Variants in LIPI observed in about 807,000 individuals in gnomAD.
LIPI encodes the protein lipase I.
Under a neutral mutation model 50.6 loss-of-function variants are expected in LIPI, and 59 were observed. The observed-to-expected ratio is 1.16, with a 90% CI of 0.94 to 1.45. LIPI has a LOEUF of 1.45. Ranked by LOEUF, LIPI falls within the 40% of genes most tolerant of loss-of-function variation. LIPI has a pLI of 0.00. For synonymous variants in LIPI, 203 were observed against 178.2 expected (o/e 1.14, Z -1.11); for missense variants, 586 against 536.3 (o/e 1.09, Z -0.92).
intron 9 of LIPI, among the ~76,000 whole-genome samples, chr21:14,124,826 G>A (rs10854284): frequency 0.64 from 97,154 of 151,894 alleles, 31,552 homozygotes; most frequent in East Asian, 0.94. Context: ...CCCCATCTCT[G>A]CTAAAAATAC....
chr21:14,182,821 G>C (rs955358141), intron 3 of LIPI, among the ~76,000 whole-genome samples: 10 of 151,986 alleles, frequency 6.6e-5, no homozygotes, highest in African/African-American at 2.2e-4. Context: ...ACAAACCACT[G>C]CTCAATGAAA....
At chr21:14,176,681 T>TA (rs944615198) in intron 4 of LIPI, among the ~76,000 whole-genome samples, 3 of 30,732 alleles carry the variant, frequency 9.8e-5, no homozygotes, top group East Asian at 9.5e-4. Context: ...GAGAATATTG[T>TA]TTTTTTTTCA....
intron 4 of LIPI, among the ~76,000 whole-genome samples, chr21:14,168,552 C>T (rs2018776417): frequency 6.6e-6 from 1 of 152,250 alleles, no homozygotes; most frequent in Non-Finnish European, 1.5e-5. Flanking sequence ...AGAGTGGGGG[C>T]CGATATTCAA....
At chr21:14,191,495 T>A (rs1420213827) in intron 1 of LIPI, among the ~76,000 whole-genome samples, 5 of 150,542 alleles carry the variant, frequency 3.3e-5, no homozygotes, top group African/African-American at 4.9e-5. Flanking sequence ...ACCCTGCCTA[T>A]TAAAAAGCAA....
intron 4 of LIPI, among the ~76,000 whole-genome samples, chr21:14,180,886 C>G (rs1409984854): frequency 6.6e-6 from 1 of 152,162 alleles, no homozygotes; most frequent in Non-Finnish European, 1.5e-5. Flanking sequence ...GAGGAGCAAT[C>G]TTAGTGTCAC....
intron 6 of LIPI, among the ~76,000 whole-genome samples, chr21:14,163,882 A>T (rs1449757218): frequency 1.3e-5 from 2 of 151,740 alleles, no homozygotes; most frequent in Non-Finnish European, 2.9e-5. Flanking sequence ...CATAAAACTT[A>T]AACATACAAT....
At chr21:14,183,423 T>C (rs950849112) in intron 3 of LIPI, among the ~76,000 whole-genome samples, 30 of 152,268 alleles carry the variant, frequency 2.0e-4, no homozygotes, top group East Asian at 3.9e-4. Context: ...GGGCAAGGAC[T>C]TCATGTCTAA....
At chr21:14,189,822 G>C (rs571950790) in intron 1 of LIPI, among the ~76,000 whole-genome samples, 2 of 151,924 alleles carry the variant, frequency 1.3e-5, no homozygotes, top group Admixed American at 1.3e-4. Context: ...TATTTAACTT[G>C]TCTAGTCATC....
intron 2 of LIPI, among the ~76,000 whole-genome samples, chr21:14,186,518 A>G (rs1056318722): frequency 6.6e-6 from 1 of 152,208 alleles, no homozygotes; most frequent in South Asian, 2.1e-4. Flanking sequence ...ATAATATTGG[A>G]TCAATTCCAA....
chr21:14,120,474 A>G (rs2016822267), intron 9 of LIPI, among the ~76,000 whole-genome samples: 1 of 152,228 alleles, frequency 6.6e-6, no homozygotes, highest in African/African-American at 2.4e-5. Context: ...CAAAAAGGAA[A>G]TAGGGCAGGT....
At chr21:14,196,139 A>G (rs1285648302) in intron 1 of LIPI, among the ~76,000 whole-genome samples, 1 of 97,968 alleles carries the variant, frequency 1.0e-5, no homozygotes, top group East Asian at 2.7e-4. Flanking sequence ...TTTTTTTTTT[A>G]CATGACACCA....
At chr21:14,208,747 T>C (rs1005667064) in intron 1 of LIPI, among the ~76,000 whole-genome samples, 2 of 152,234 alleles carry the variant, frequency 1.3e-5, no homozygotes, top group African/African-American at 2.4e-5. Flanking sequence ...ATTTACTATC[T>C]GGTCGTTTAC....
chr21:14,156,943 G>A (rs2018294423), intron 7 of LIPI, among the ~76,000 whole-genome samples: 1 of 151,888 alleles, frequency 6.6e-6, no homozygotes, highest in Admixed American at 6.6e-5. Flanking sequence ...GACTCAAACG[G>A]AAATTAGAAA....
intron 1 of LIPI, chr21:14,206,793 A>T: frequency 7.3e-7 from 1 of 1,368,276 alleles, no homozygotes; most frequent in Non-Finnish European, 1.0e-6. Flanking sequence ...TATATGAAGA[A>T]AGTGAAGTTA....
At chr21:14,192,271 C>A (rs1008335808) in intron 1 of LIPI, among the ~76,000 whole-genome samples, 1 of 152,044 alleles carries the variant, frequency 6.6e-6, no homozygotes, top group Non-Finnish European at 1.5e-5. Context: ...TCGAGATAAG[C>A]CTGGACAACA....
intron 8 of LIPI, among the ~76,000 whole-genome samples, chr21:14,149,359 C>T (rs944442575): frequency 1.3e-5 from 2 of 152,144 alleles, no homozygotes; most frequent in African/African-American, 2.4e-5. Flanking sequence ...CACCTGGTCC[C>T]GCCCTTGACA....
intron 9 of LIPI, among the ~76,000 whole-genome samples, chr21:14,130,982 G>T (rs1402274337): frequency 1.3e-5 from 2 of 152,080 alleles, no homozygotes; most frequent in Non-Finnish European, 2.9e-5. Context: ...ACGGAGTCTT[G>T]CTCTGTCAAC....
At chr21:14,179,836 A>G (rs556805744) in intron 4 of LIPI, among the ~76,000 whole-genome samples, 7 of 152,300 alleles carry the variant, frequency 4.6e-5, no homozygotes, top group Admixed American at 1.3e-4. Context: ...ATATGAAATC[A>G]GTGCACCTTG....
In LIPI at chr21:14,144,777, G is replaced by C; in HGVS notation, c.1141C>G (p.Leu381Val). Residue 381 changes from leucine to valine, a missense_variant, in exon 9 of 10, where the codon CTT (leucine) becomes GTT (valine). Physicochemically the swap from Leu to Val is conservative, Grantham distance 32. Transcript: ENST00000681601. The stretch of plus-strand genomic sequence containing the variant: ...TGAGCAAGAATCTTGACTTCTTGAA[G>C]TTTATAAAATGGTTTGTTCTTTCTA... ...LYEKNKPFYKLQEVKILAQFY... is the reference protein window; with the variant it reads ...LYEKNKPFYKVQEVKILAQFY... 6.3e-7 allele frequency: 1 copy of C among 1,576,854 alleles called. No individual in the cohort carries two copies.
Sources: allele counts gnomAD v4.1 joint callset (sites outside exome capture counted in the v4.1 genomes callset), GRCh38; gene constraint gnomAD v4.1.1; transcripts MANE v1.5; gene names NCBI Gene and HGNC (gene_info 2026-07-23, HGNC 2026-07-21).